HEXB: variants seen among roughly 807,000 people sequenced by gnomAD.
HEXB encodes the protein hexosaminidase subunit beta, also known as beta-hexosaminidase subunit beta.
In HEXB, 51 loss-of-function variants were observed where a neutral mutation model predicts 71.2. The observed-to-expected ratio is 0.72, with a 90% CI of 0.57 to 0.90. HEXB has a LOEUF of 0.90. HEXB is among the 40% of genes least tolerant of loss of function. The pLI, the probability that HEXB is intolerant of heterozygous loss-of-function variation, is 0.00. For missense variants in HEXB, 617 were observed against 677.0 expected, an observed-to-expected ratio of 0.91 and a Z score of 0.98; for synonymous variants, 266 against 249.3, an observed-to-expected ratio of 1.07 and a Z score of -0.63.
rs114944939 is a variant in HEXB, at chr5:74,677,958, T to C, written c.-376-11370T>C. On this transcript the variant is annotated intron_variant, in intron 1 of 13. Coordinates refer to the HEXB transcript ENST00000511181. ...AATTTTAGAAATAAAACAATGTGTG[T>C]GCATGCTCTTCAAGATATCAAAGCA... 3.6e-3 allele frequency among the ~76,000 whole-genome samples: 542 copies of C among 152,254 alleles called. 8 individuals carry two copies. Among genetic ancestry groups the C allele is most frequent in the African/African-American group, 0.012 (514 of 41,544 alleles).
intron 5 of HEXB, among the ~76,000 whole-genome samples, chr5:74,703,968 C>T (rs1014085721): frequency 2.0e-5 from 3 of 152,152 alleles, no homozygotes; most frequent in East Asian, 1.9e-4. Flanking sequence ...TGTGAGCCAC[C>T]GTGTCTGGCC....
In HEXB at chr5:74,652,716, G is replaced by A. The variant is rs116677210; in HGVS notation, c.-377+12158G>A. 2.8e-3 allele frequency among the ~76,000 whole-genome samples: 427 copies of A among 152,134 alleles called. 1 individual carries two copies. The highest frequency in any genetic ancestry group is 9.4e-3 in the African/African-American group (392 of 41,508). On this transcript the variant is annotated intron_variant, in intron 1 of 13. Transcript: ENST00000511181. This position sits in a 1 kb window ranked among gnomAD's most constrained non-coding sequence, Gnocchi z 5.4. ...TGTTCTTGAGCAGCCAAAAGTCAGGGATAGAGGCTCATCTGGTCCTCCCAC... is the reference window on the plus strand; with the variant it reads ...TGTTCTTGAGCAGCCAAAAGTCAGGAATAGAGGCTCATCTGGTCCTCCCAC...
intron 5 of HEXB, among the ~76,000 whole-genome samples, chr5:74,701,222 C>T (rs1445334465): frequency 1.3e-5 from 2 of 151,968 alleles, no homozygotes; most frequent in Admixed American, 6.6e-5. Flanking sequence ...CAATGTTATC[C>T]TTTCTATCAT....
upstream of HEXB, among the ~76,000 whole-genome samples, chr5:74,682,231 G>A (rs1198630383): frequency 2.0e-5 from 3 of 152,182 alleles, no homozygotes; most frequent in Non-Finnish European, 4.4e-5. Flanking sequence ...GGTGGCGGGC[G>A]CCTGTAGTCC....
chr5:74,661,500 A>G (rs1748318420), intron 1 of HEXB, among the ~76,000 whole-genome samples: 1 of 136,854 alleles, frequency 7.3e-6, no homozygotes, highest in African/African-American at 2.7e-5. Context: ...TCATGAATTC[A>G]TTTTCTCTCT....
intron 1 of HEXB, among the ~76,000 whole-genome samples, chr5:74,662,591 G>A (rs1023828973): frequency 6.6e-6 from 1 of 152,122 alleles, no homozygotes; most frequent in Non-Finnish European, 1.5e-5. Context: ...ATGTTTTAAG[G>A]TGCTGTTTGC....
chr5:74,652,092 C>A lies in HEXB; in HGVS notation c.-377+11534C>A, dbSNP rs1243316920. ...AATACTCAACTCTGGCATGAGATGTCTACGTGGAAATTAAAATGATGAACT... is the reference window on the plus strand; with the variant it reads ...AATACTCAACTCTGGCATGAGATGTATACGTGGAAATTAAAATGATGAACT... On this transcript the variant is annotated intron_variant, in intron 1 of 13. Transcript: ENST00000511181. This position sits in a 1 kb window ranked among gnomAD's most constrained non-coding sequence, Gnocchi z 5.4. Among the ~76,000 whole-genome samples the A allele has an allele frequency of 6.6e-6, 1 of 152,176 alleles. No homozygotes were observed. The highest frequency in any genetic ancestry group is 2.4e-5 in the African/African-American group (1 of 41,438).
At chr5:74,650,726 C>A (rs1189213216) in intron 1 of HEXB, among the ~76,000 whole-genome samples, 4 of 151,762 alleles carry the variant, frequency 2.6e-5, no homozygotes, top group Non-Finnish European at 5.9e-5. Context: ...TCGAGACCAT[C>A]CGGGCTAACA....
intron 6 of HEXB, among the ~76,000 whole-genome samples, chr5:74,708,043 A>C (rs1749446445): frequency 6.6e-6 from 1 of 152,038 alleles, no homozygotes. Flanking sequence ...CCAGAGAGAA[A>C]GGTCGGGTTA....
rs746951068 is a variant in HEXB, at chr5:74,715,542, A to G, written c.934A>G (p.Arg312Gly). The G allele has an allele frequency of 6.2e-6, 10 of 1,612,128 alleles. No individual in the cohort carries two copies. Among genetic ancestry groups the G allele is most frequent in the South Asian group, 1.1e-5 (1 of 91,034 alleles). ...AGACCTCCTGACTCCATGTTACAGT[A>G]GACAAAACAAGTTGGACTCTTTTGG... ...QKDLLTPCYS[R>G]QNKLDSFGPI... is the part of the protein sequence containing the mutation. Residue 312 changes from arginine to glycine, a missense_variant, in exon 8 of 14, where the codon AGA becomes GGA. By Grantham distance (125) the Arg-to-Gly change is moderately radical (BLOSUM62 -2). Transcript: ENST00000261416.
Position 74,706,726 on chromosome 5 carries a change from C to T in HEXB, c.771+1406C>T, listed in dbSNP as rs369534866. On this transcript the variant is annotated intron_variant, in intron 6 of 13. Coordinates refer to ENST00000261416, the MANE Select transcript of HEXB (RefSeq NM_000521.4). Reference sequence around the variant, plus strand: ...AGAAGTCTGAGATCAAACTGCAAGGCGGCAGCGAGGCTGGGGGAGGGGTGC... The same window carrying T: ...AGAAGTCTGAGATCAAACTGCAAGGTGGCAGCGAGGCTGGGGGAGGGGTGC... 7.2e-5 allele frequency among the ~76,000 whole-genome samples: 11 copies of T among 152,230 alleles called. No homozygotes were observed. In the South Asian group the frequency reaches 1.0e-3, roughly 14 times the overall value.
At chr5:74,648,360 A>G (rs145703851) in intron 1 of HEXB, among the ~76,000 whole-genome samples, 1 of 152,090 alleles carries the variant, frequency 6.6e-6, no homozygotes, top group Non-Finnish European at 1.5e-5. Context: ...TGACTTTTTA[A>G]ATTCTTAATA....
At chr5:74,659,021 C>T (rs1748271392) in intron 1 of HEXB, among the ~76,000 whole-genome samples, 1 of 152,074 alleles carries the variant, frequency 6.6e-6, no homozygotes, top group African/African-American at 2.4e-5. Flanking sequence ...CAATTCAGTA[C>T]AATATGTAGC....
At chr5:74,709,331 G>C (rs1359865797) in intron 6 of HEXB, among the ~76,000 whole-genome samples, 5 of 151,726 alleles carry the variant, frequency 3.3e-5, no homozygotes, top group South Asian at 2.1e-4. Flanking sequence ...ATGCCCACAA[G>C]AGAAAGCAGG....
intron 6 of HEXB, among the ~76,000 whole-genome samples, chr5:74,706,450 C>T (rs1580389675): frequency 6.6e-6 from 1 of 152,194 alleles, no homozygotes; most frequent in Non-Finnish European, 1.5e-5. Context: ...GGGCGCAGGA[C>T]AGTGGGTGCA....
intron 10 of HEXB, 151 bp downstream of exon 10, chr5:74,718,514 T>C (rs1749731307): frequency 1.3e-6 from 1 of 746,432 alleles, no homozygotes; most frequent in South Asian, 1.6e-5. Flanking sequence ...CTAGGTTTGG[T>C]AGAAATAAGA....
intron 1 of HEXB, among the ~76,000 whole-genome samples, chr5:74,665,407 C>T (rs1353705401): frequency 7.1e-6 from 1 of 141,664 alleles, no homozygotes; most frequent in African/African-American, 2.6e-5. Flanking sequence ...CCCACGCACA[C>T]TTTTCTCTGT....
At position 74,715,595 on chromosome 5, in the gene HEXB, A is replaced by G. The variant is rs1749650607; in HGVS notation, c.987A>G (p.Thr329=). The G allele has an allele frequency of 2.5e-6, 4 of 1,609,212 alleles. No homozygotes were observed. In the South Asian group the frequency reaches 3.3e-5, roughly 13 times the overall value. ...CTATAAACCCTACTCTGAATACAACATACAGCTTCCTTACTACATTTTTCA... is the reference window on the plus strand; with the variant it reads ...CTATAAACCCTACTCTGAATACAACGTACAGCTTCCTTACTACATTTTTCA... ...FGPINPTLNT[T]YSFLTTFFKE... The change falls in exon 8 of 14, where the codon ACA becomes ACG. Residue 329 remains threonine (T), a synonymous_variant. Transcript: ENST00000261416.
Position 74,663,344 on chromosome 5 carries a change from C to A in HEXB, c.-377+22786C>A, listed in dbSNP as rs547177892. On this transcript the variant is annotated intron_variant, in intron 1 of 13. Transcript: ENST00000511181. ...TAGCTGGGAGTACAGGCGCCCGCCA[C>A]CACACCTGGCTAATTTTTGTATTTT... Among the ~76,000 whole-genome samples the A allele has an allele frequency of 3.0e-4, 45 of 151,050 alleles. 3 individuals carry two copies. In the South Asian group the frequency reaches 8.7e-3, roughly 29 times the overall value.
Sources: allele counts gnomAD v4.1 joint callset (sites outside exome capture counted in the v4.1 genomes callset), GRCh38; gene constraint gnomAD v4.1.1; non-coding constraint Gnocchi (gnomAD v3.1); transcripts MANE v1.5; gene names NCBI Gene and HGNC (gene_info 2026-07-23, HGNC 2026-07-21).